Variants in EFHB observed in about 807,000 individuals in gnomAD.
EFHB encodes EF-hand domain family member B.
A neutral mutation model predicts 87.2 loss-of-function variants in EFHB; 91 were observed. The ratio of observed to expected loss-of-function variants is 1.04; its 90% CI spans 0.88 to 1.24. The LOEUF is 1.24. EFHB is among the 50% of genes most tolerant of loss of function. EFHB has a pLI of 0.00. For missense variants in EFHB, 1,084 were observed against 998.8 expected (o/e 1.09, Z -1.15); for synonymous variants, 325 against 333.6 (o/e 0.97, Z 0.28).
intron 6 of EFHB, among the ~76,000 whole-genome samples, chr3:19,905,254 T>C (rs955753035): frequency 6.6e-6 from 1 of 152,146 alleles, no homozygotes; most frequent in Non-Finnish European, 1.5e-5. Flanking sequence ...GCTGTCTCAA[T>C]AAATAAATAA....
At chr3:19,924,418 C>T (rs1238588388) in intron 1 of EFHB, among the ~76,000 whole-genome samples, 4 of 152,018 alleles carry the variant, frequency 2.6e-5, no homozygotes, top group African/African-American at 4.8e-5. Flanking sequence ...TTCCCTATGT[C>T]GGCCAGGCTG....
intron 10 of EFHB, among the ~76,000 whole-genome samples, chr3:19,888,154 T>C (rs986434793): frequency 6.6e-6 from 1 of 152,138 alleles, no homozygotes; most frequent in Non-Finnish European, 1.5e-5. Flanking sequence ...TATAAATGTA[T>C]ATTTTTATTT....
At chr3:19,909,917 C>T (rs1453493699) in intron 5 of EFHB, among the ~76,000 whole-genome samples, 5 of 152,084 alleles carry the variant, frequency 3.3e-5, no homozygotes, top group African/African-American at 4.8e-5. Flanking sequence ...AACCGAAGAG[C>T]TCTTGGGCCC....
At position 19,933,965 on chromosome 3, in the gene EFHB, CTT is replaced by C; in HGVS notation, c.52_53del (p.Lys18GlufsTer32). On this transcript the variant is annotated frameshift_variant, in exon 1 of 13. Transcript: ENST00000295824. LOFTEE classifies it high-confidence loss of function. ...GAAATTTTGTTCCCATGATGACCCT[CTT>C]GTCTCCTAAATCATCCTTTCCTTCG... ...PHEGKDDLGD[K>X]RVIMGTKFPM... is the part of the protein sequence containing the mutation. The C allele has an allele frequency of 6.2e-7, 1 of 1,613,250 alleles. No individual in the cohort carries two copies. The highest frequency in any genetic ancestry group is 8.5e-7 in the Non-Finnish European group (1 of 1,179,508).
chr3:19,921,659 CCA>C (rs908882061), intron 1 of EFHB, among the ~76,000 whole-genome samples: 1 of 151,888 alleles, frequency 6.6e-6, no homozygotes, highest in East Asian at 1.9e-4. Flanking sequence ...TAAATTCTAC[CCA>C]CACAATTACA....
At chr3:19,920,116 C>A (rs1287894078) in intron 2 of EFHB, 140 bp from the exon 3 acceptor site, 1 of 854,262 alleles carries the variant, frequency 1.2e-6, no homozygotes, top group Non-Finnish European at 1.8e-6. Context: ...AAATAATGAA[C>A]ATCCCCCTAA....
At chr3:19,925,036 G>C (rs2125157954) in intron 1 of EFHB, among the ~76,000 whole-genome samples, 1 of 152,062 alleles carries the variant, frequency 6.6e-6, no homozygotes, top group East Asian at 1.9e-4. Context: ...ACGAGGTCAG[G>C]AGATCAAGAC....
At chr3:19,920,654 C>A (rs1314759477) in intron 1 of EFHB, 87 bp from the exon 2 acceptor site, 4 of 1,030,140 alleles carry the variant, frequency 3.9e-6, no homozygotes, top group East Asian at 5.3e-5. Context: ...TTGTCCTATG[C>A]CTCTGAGGCT....
intron 9 of EFHB, among the ~76,000 whole-genome samples, chr3:19,891,378 A>AG: frequency 6.6e-6 from 1 of 151,960 alleles, no homozygotes; most frequent in Non-Finnish European, 1.5e-5. Context: ...TTTAGAAAAA[A>AG]AAAATTATTC....
chr3:19,946,767 G>A (rs1696295671), intron 1 of EFHB, among the ~76,000 whole-genome samples: 1 of 152,154 alleles, frequency 6.6e-6, no homozygotes, highest in Non-Finnish European at 1.5e-5. Context: ...TCCCACAAGG[G>A]CTGGGCACAA....
intron 10 of EFHB, 77 bp downstream of exon 10, chr3:19,888,367 T>C (rs1484930424): frequency 2.4e-6 from 2 of 821,576 alleles, no homozygotes; most frequent in Non-Finnish European, 3.2e-6. Context: ...TGAGACCTCG[T>C]CTGTATTAAA....
intron 12 of EFHB, among the ~76,000 whole-genome samples, chr3:19,882,016 A>AAAAT (rs368695761): frequency 0.076 from 10,779 of 141,608 alleles, 450 homozygotes; most frequent in Non-Finnish European, 0.097. Flanking sequence ...TTCTGAGTCA[A>AAAAT]AAATAAATAA....
At chr3:19,934,245 G>A (rs1695944372), upstream of EFHB, 1 of 1,421,886 alleles carries the variant, frequency 7.0e-7, no homozygotes, top group South Asian at 1.6e-5. Flanking sequence ...GGAAACAGGG[G>A]CGGGGCTTGG....
At chr3:19,899,371 A>C (rs149982777) in intron 7 of EFHB, 61 bp downstream of exon 7, 2 of 1,237,826 alleles carry the variant, frequency 1.6e-6, no homozygotes, top group African/African-American at 1.5e-5. Context: ...CAGTTACCAC[A>C]AGAGTATTTT....
At chr3:19,895,314 T>C (rs925641552) in intron 9 of EFHB, among the ~76,000 whole-genome samples, 5 of 151,746 alleles carry the variant, frequency 3.3e-5, no homozygotes, top group African/African-American at 9.7e-5. Flanking sequence ...ACCCCGTCTG[T>C]ACTAAAAGTA....
At chr3:19,914,952 C>A (rs1160739291) in intron 5 of EFHB, among the ~76,000 whole-genome samples, 1 of 151,842 alleles carries the variant, frequency 6.6e-6, no homozygotes, top group South Asian at 2.1e-4. Flanking sequence ...ATTAGCCAGG[C>A]GTGGTGGTGC....
chr3:19,941,983 C>A (rs1174993507), intron 1 of EFHB, among the ~76,000 whole-genome samples: 1 of 151,774 alleles, frequency 6.6e-6, no homozygotes, highest in Non-Finnish European at 1.5e-5. Context: ...GGTGAAACCA[C>A]GTCTCTACTA....
intron 9 of EFHB, among the ~76,000 whole-genome samples, chr3:19,892,932 T>C (rs1694352168): frequency 1.3e-5 from 2 of 149,854 alleles, no homozygotes; most frequent in Admixed American, 1.3e-4. Flanking sequence ...AACTTCACCT[T>C]TTTCCCAATC....
intron 1 of EFHB, among the ~76,000 whole-genome samples, chr3:19,922,612 A>C (rs558252862): frequency 6.6e-6 from 1 of 152,268 alleles, no homozygotes; most frequent in African/African-American, 2.4e-5. Context: ...CCAGCCCTCT[A>C]GCCAGTGGGC....
Sources: allele counts gnomAD v4.1 joint callset (sites outside exome capture counted in the v4.1 genomes callset), GRCh38; gene constraint gnomAD v4.1.1; transcripts MANE v1.5; gene names NCBI Gene and HGNC (gene_info 2026-07-23, HGNC 2026-07-21).